The following ASPRV1 variants were observed in gnomAD, a reference collection of about 807,000 sequenced individuals.
The protein encoded by ASPRV1 is aspartic peptidase retroviral like 1.
ASPRV1 carries 7 observed loss-of-function variants against 11.0 expected under a neutral mutation model. The observed-to-expected ratio is 0.64, with a 90% CI of 0.36 to 1.20. The LOEUF (loss-of-function observed/expected upper bound fraction) is 1.20. Among genes scored for constraint, ASPRV1 ranks in the 50% most tolerant of loss-of-function variants. The pLI is 0.02. For missense variants in ASPRV1, 299 were observed against 320.0 expected, an observed-to-expected ratio of 0.93 and a Z score of 0.50; for synonymous variants, 136 against 138.4, an observed-to-expected ratio of 0.98 and a Z score of 0.12.
chr2:70,044,079 C>T, the ASPRV1 span, among the ~76,000 whole-genome samples: 50 of 152,226 alleles, frequency 3.3e-4, no homozygotes, highest in South Asian at 9.8e-3. Flanking sequence ...CCTCCCTATC[C>T]CTTCCTCAGT....
At chr2:69,948,968 C>T in the ASPRV1 span, among the ~76,000 whole-genome samples, 1 of 152,078 alleles carries the variant, frequency 6.6e-6, no homozygotes, top group Non-Finnish European at 1.5e-5. Context: ...CGGCACCTCG[C>T]GGCGGACTGC....
the ASPRV1 span, among the ~76,000 whole-genome samples, chr2:70,066,772 T>C: frequency 6.6e-6 from 1 of 151,862 alleles, no homozygotes; most frequent in African/African-American, 2.4e-5. Context: ...GGCTAATTTG[T>C]TATTTTTTGT....
the ASPRV1 span, among the ~76,000 whole-genome samples, chr2:69,983,011 A>G: frequency 1.4e-4 from 22 of 152,076 alleles, no homozygotes; most frequent in African/African-American, 5.3e-4. Flanking sequence ...CTCCATCTCC[A>G]GCGTTCAAGT....
At chr2:70,026,987 A>T in the ASPRV1 span, among the ~76,000 whole-genome samples, 3 of 152,278 alleles carry the variant, frequency 2.0e-5, no homozygotes, top group African/African-American at 7.2e-5. Flanking sequence ...GTGGACACTC[A>T]CGCCTGTAAT....
chr2:69,968,830 T>C, the ASPRV1 span, among the ~76,000 whole-genome samples: 5 of 152,120 alleles, frequency 3.3e-5, no homozygotes, highest in Non-Finnish European at 7.4e-5. Context: ...GTGTCCCTGG[T>C]CTGTGTGGCG....
At chr2:69,953,460 C>G in the ASPRV1 span, among the ~76,000 whole-genome samples, 1 of 152,230 alleles carries the variant, frequency 6.6e-6, no homozygotes, top group Non-Finnish European at 1.5e-5. Flanking sequence ...GAAAGCAGCA[C>G]AACTTTGTGG....
chr2:70,055,171 C>G, the ASPRV1 span, among the ~76,000 whole-genome samples: 1 of 151,960 alleles, frequency 6.6e-6, no homozygotes, highest in South Asian at 2.1e-4. Context: ...GGCGTGGTGG[C>G]GCACGCCTGT....
the ASPRV1 span, among the ~76,000 whole-genome samples, chr2:69,983,891 G>C: frequency 2.6e-5 from 4 of 152,204 alleles, no homozygotes; most frequent in Non-Finnish European, 4.4e-5. Context: ...CTGTCTGAGA[G>C]ATTTGAACCT....
At chr2:69,985,949 G>A in the ASPRV1 span, among the ~76,000 whole-genome samples, 29 of 152,156 alleles carry the variant, frequency 1.9e-4, no homozygotes, top group Non-Finnish European at 3.2e-4. Context: ...TTGGCAAGAC[G>A]GCTCATCGAA....
At chr2:70,084,529 C>T in the ASPRV1 span, among the ~76,000 whole-genome samples, 1 of 152,142 alleles carries the variant, frequency 6.6e-6, no homozygotes, top group South Asian at 2.1e-4. Flanking sequence ...GTAAAACTGA[C>T]CTAATATCAC....
the ASPRV1 span, among the ~76,000 whole-genome samples, chr2:70,059,186 T>C: frequency 0.54 from 81,139 of 151,298 alleles, 25,229 homozygotes; most frequent in African/African-American, 0.86. Flanking sequence ...CCACCGTGCC[T>C]GGCCCACCAA....
At chr2:69,964,008 G>C (rs1678244575), upstream of ASPRV1, among the ~76,000 whole-genome samples, 1 of 152,170 alleles carries the variant, frequency 6.6e-6, no homozygotes, top group Admixed American at 6.5e-5. Flanking sequence ...ATCAGACTTG[G>C]TGGAAGTATT....
the ASPRV1 span, chr2:69,940,265 G>C: frequency 6.6e-6 from 1 of 151,828 alleles, no homozygotes; most frequent in African/African-American, 2.4e-5. Context: ...GATTTAAGCA[G>C]AGTGATAGTG....
the ASPRV1 span, among the ~76,000 whole-genome samples, chr2:70,002,028 T>C: frequency 6.6e-6 from 1 of 152,134 alleles, no homozygotes; most frequent in Admixed American, 6.6e-5. Context: ...AGAAAAAATA[T>C]CTTAAAGGAT....
chr2:69,984,832 T>C, the ASPRV1 span, among the ~76,000 whole-genome samples: 1 of 149,448 alleles, frequency 6.7e-6, no homozygotes, highest in African/African-American at 2.5e-5. Context: ...TTGGACAGGC[T>C]GGTCTCAAAC....
the ASPRV1 span, chr2:70,064,103 G>A: frequency 6.6e-6 from 1 of 152,212 alleles, no homozygotes; most frequent in Non-Finnish European, 1.5e-5. Context: ...TCATGAGCAA[G>A]TGTTTTGTGT....
the ASPRV1 span, among the ~76,000 whole-genome samples, chr2:70,085,345 G>T: frequency 1.3e-5 from 2 of 152,120 alleles, no homozygotes. Context: ...CACTGCATAA[G>T]ACAGCATTTC....
At chr2:70,016,608 A>T in the ASPRV1 span, among the ~76,000 whole-genome samples, 1 of 152,272 alleles carries the variant, frequency 6.6e-6, no homozygotes, top group East Asian at 1.9e-4. Context: ...GCACTTTGGG[A>T]GGCGAAGGCA....
chr2:69,962,974 G>A (rs550674956), upstream of ASPRV1: 152 of 305,476 alleles, frequency 5.0e-4, no homozygotes, highest in African/African-American at 3.2e-3. Context: ...AAGACTCGAT[G>A]GCACACCTGT....
Sources: gnomAD v4.1 joint callset for allele counts (sites outside exome capture counted in the v4.1 genomes callset) on GRCh38, gnomAD v4.1.1 for gene constraint, MANE v1.5 for transcripts, NCBI Gene and HGNC (gene_info 2026-07-23, HGNC 2026-07-21) for gene names.